The following PSD3 variants were observed in gnomAD, a reference collection of about 807,000 sequenced individuals.
PSD3 encodes the protein pleckstrin and Sec7 domain containing 3, also known as PH and SEC7 domain-containing protein 3.
In PSD3, 49 loss-of-function variants were observed where a neutral mutation model predicts 105.5. The observed-to-expected ratio is 0.46, with a 90% CI of 0.37 to 0.59. The LOEUF (loss-of-function observed/expected upper bound fraction) is 0.59. Among genes scored for constraint, PSD3 ranks in the 20% least tolerant of loss-of-function variants. The pLI, the probability that PSD3 is intolerant of heterozygous loss-of-function variation, is 0.00. For synonymous variants in PSD3, 557 were observed against 457.8 expected (o/e 1.22, Z -2.77); for missense variants, 1,561 against 1,263.8 (o/e 1.24, Z -3.57).
chr8:18,539,466 C>G (rs1034208347), intron 15 of PSD3, among the ~76,000 whole-genome samples: 3 of 151,518 alleles, frequency 2.0e-5, no homozygotes, highest in Non-Finnish European at 4.4e-5. Context: ...TTCCTAAGAC[C>G]GATTGTGAAA....
intron 4 of PSD3, among the ~76,000 whole-genome samples, chr8:18,841,129 A>G (rs912429319): frequency 2.6e-4 from 39 of 152,240 alleles, no homozygotes; most frequent in African/African-American, 9.4e-4. Flanking sequence ...CAAACCACCT[A>G]CTAAGCCTGC....
chr8:18,783,210 G>C (rs1042229722), intron 8 of PSD3, among the ~76,000 whole-genome samples: 2 of 152,112 alleles, frequency 1.3e-5, no homozygotes, highest in African/African-American at 4.8e-5. Context: ...TTGAGTTTCA[G>C]TAGTTTTTAT....
chr8:18,934,245 C>T (rs1235894487), intron 2 of PSD3, among the ~76,000 whole-genome samples: 13 of 151,960 alleles, frequency 8.6e-5, no homozygotes, highest in Non-Finnish European at 1.5e-5. Context: ...TCTTGGTCTT[C>T]CCAAAACAAA....
At chr8:18,710,991 C>T (rs1802217057) in intron 9 of PSD3, among the ~76,000 whole-genome samples, 1 of 148,434 alleles carries the variant, frequency 6.7e-6, no homozygotes, top group Non-Finnish European at 1.5e-5. Flanking sequence ...TCTCAACATT[C>T]TTAAAAAAAA....
intron 1 of PSD3, among the ~76,000 whole-genome samples, chr8:19,072,752 G>A (rs566096791): frequency 1.3e-5 from 2 of 152,172 alleles, no homozygotes; most frequent in African/African-American, 4.8e-5. Flanking sequence ...AAAGCAGGGA[G>A]GCTCTCCAGG....
chr8:18,689,169 G>A (rs760372547), intron 9 of PSD3, among the ~76,000 whole-genome samples: 2 of 152,172 alleles, frequency 1.3e-5, no homozygotes, highest in Non-Finnish European at 2.9e-5. Context: ...GTGTCTACTA[G>A]GTACCAGATG....
At chr8:18,674,998 C>G (rs1799991224) in intron 9 of PSD3, among the ~76,000 whole-genome samples, 1 of 151,806 alleles carries the variant, frequency 6.6e-6, no homozygotes. Flanking sequence ...GAGACCCTGT[C>G]TCCAATTTAA....
intron 4 of PSD3, among the ~76,000 whole-genome samples, chr8:18,866,111 AC>A (rs1816916796): frequency 1.3e-5 from 2 of 151,886 alleles, no homozygotes; most frequent in African/African-American, 4.8e-5. Context: ...AACAACTTCC[AC>A]TCACCCTAGA....
At chr8:19,012,874 G>C (rs1176940180) in intron 1 of PSD3, among the ~76,000 whole-genome samples, 1 of 152,134 alleles carries the variant, frequency 6.6e-6, no homozygotes, top group Non-Finnish European at 1.5e-5. Context: ...AAATGAAATC[G>C]TGGTGCCCAT....
At chr8:18,817,058 T>A (rs1307214154) in intron 4 of PSD3, among the ~76,000 whole-genome samples, 2 of 152,150 alleles carry the variant, frequency 1.3e-5, no homozygotes, top group Non-Finnish European at 2.9e-5. Flanking sequence ...AAGTTTTAAG[T>A]GATGGCCCAG....
Position 18,719,590 on chromosome 8 carries a change from C to T in PSD3, c.2172+45859G>A, listed in dbSNP as rs76401525. The stretch of plus-strand genomic sequence containing the variant: ...CATTTACTCCAAATACTCATTTACT[C>T]GTTTAGCTGAGCCCCTTGTTCAACA... On this transcript the variant is annotated intron_variant, in intron 9 of 15. Transcript: ENST00000327040. Among the ~76,000 whole-genome samples the T allele has an allele frequency of 6.8e-3, 1,034 of 152,280 alleles. 12 individuals carry two copies. Among genetic ancestry groups the T allele is most frequent in the African/African-American group, 0.023 (948 of 41,562 alleles).
At chr8:19,042,367 GT>G (rs1192289608) in intron 1 of PSD3, among the ~76,000 whole-genome samples, 1 of 152,130 alleles carries the variant, frequency 6.6e-6, no homozygotes, top group East Asian at 1.9e-4. Context: ...TCCCCAACAT[GT>G]TCTCCAAGCA....
chr8:18,775,064 G>C, intron 8 of PSD3: 1 of 416,320 alleles, frequency 2.4e-6, no homozygotes, highest in East Asian at 7.3e-5. Flanking sequence ...CTACCTTCAT[G>C]AAATCTACTT....
At chr8:18,821,800 T>G (rs1812746319) in intron 4 of PSD3, among the ~76,000 whole-genome samples, 1 of 127,394 alleles carries the variant, frequency 7.8e-6, no homozygotes, top group African/African-American at 3.0e-5. Context: ...TTTTAAGTCA[T>G]AATTTAGCCT....
intron 9 of PSD3, among the ~76,000 whole-genome samples, chr8:18,703,585 A>T (rs1801718096): frequency 6.6e-6 from 1 of 152,210 alleles, no homozygotes; most frequent in East Asian, 1.9e-4. Context: ...CCATATAGAG[A>T]ATTCCCTTGG....
intron 9 of PSD3, among the ~76,000 whole-genome samples, chr8:18,687,212 C>A (rs1800705223): frequency 2.0e-5 from 3 of 152,116 alleles, no homozygotes; most frequent in African/African-American, 7.2e-5. Flanking sequence ...TCCTGTAATC[C>A]CAGCACTTTG....
chr8:18,925,811 A>C (rs1157873592), intron 2 of PSD3, among the ~76,000 whole-genome samples: 1 of 152,212 alleles, frequency 6.6e-6, no homozygotes, highest in Non-Finnish European at 1.5e-5. Context: ...AAGCCTCCTC[A>C]TCCTTAGAGG....
chr8:18,539,543 ATTAC>A (rs1800033303), intron 15 of PSD3, among the ~76,000 whole-genome samples: 1 of 149,518 alleles, frequency 6.7e-6, no homozygotes, highest in South Asian at 2.1e-4. Flanking sequence ...ATATTAGTAA[ATTAC>A]TTTTTTTTTT....
At chr8:18,775,900 G>A (rs192510703) in intron 8 of PSD3, among the ~76,000 whole-genome samples, 49 of 151,994 alleles carry the variant, frequency 3.2e-4, no homozygotes, top group East Asian at 9.6e-4. Context: ...CTCCCCCGCC[G>A]ACCCCCTGCA....
Sources: allele counts gnomAD v4.1 joint callset (sites outside exome capture counted in the v4.1 genomes callset), GRCh38; gene constraint gnomAD v4.1.1; transcripts MANE v1.5; gene names NCBI Gene and HGNC (gene_info 2026-07-23, HGNC 2026-07-21).